The following CEACAM5 variants were observed in gnomAD, a reference collection of about 807,000 sequenced individuals.
CEACAM5 encodes the protein cell adhesion molecule CEACAM5.
A neutral mutation model predicts 63.0 loss-of-function variants in CEACAM5; 52 were observed. That is an observed-to-expected ratio of 0.83 (90% confidence interval 0.66 to 1.04). CEACAM5 has a LOEUF of 1.04. Ranked by LOEUF, CEACAM5 falls within the 50% of genes least tolerant of loss-of-function variation. CEACAM5 has a pLI of 0.00. For missense variants in CEACAM5, 790 were observed against 864.8 expected, an observed-to-expected ratio of 0.91 and a Z score of 1.08; for synonymous variants, 357 against 351.3, an observed-to-expected ratio of 1.02 and a Z score of -0.18.
chr19:41,719,789 G>A, intron 6 of CEACAM5, 141 bp from the exon 7 acceptor site: 1 of 1,463,492 alleles, frequency 6.8e-7, no homozygotes, highest in Non-Finnish European at 9.2e-7. Context: ...TCGTACATCT[G>A]TCTTGTGATA....
In CEACAM5 at chr19:41,727,372, C is replaced by T. The variant is rs2072715340; in HGVS notation, c.*36+20C>T. ...AGACTGGTAGGTATAATGGCCTTTC[C>T]TCTTGTTCTGTTTCCTGCAGTGCTG... On this transcript the variant is annotated intron_variant, in intron 9 of 9. Transcript: ENST00000221992. The T allele has an allele frequency of 4.8e-6, 6 of 1,254,162 alleles. No homozygotes were observed. Among genetic ancestry groups the T allele is most frequent in the Middle Eastern group, 3.8e-4 (2 of 5,294 alleles). 77.7% of individuals were successfully genotyped at this position (1,254,162 alleles called of 1,614,324 possible).
chr19:41,715,105 G>A lies in CEACAM5; in HGVS notation c.559G>A (p.Val187Ile). Residue 187 changes from valine to isoleucine, a missense_variant, in exon 3 of 10, where the codon GTC becomes ATC. Val to Ile is a conservative substitution (Grantham distance 29). Transcript: ENST00000221992. ...GTGGGTAAACAATCAGAGCCTCCCG[G>A]TCAGTCCCAGGCTGCAGCTGTCCAA... ...LWWVNNQSLP[V>I]SPRLQLSNGN... 1 of 1,614,136 alleles carries A rather than the reference G, an allele frequency of 6.2e-7. No homozygotes were observed.
chr19:41,718,131 G>A lies in CEACAM5; in HGVS notation c.1241G>A (p.Gly414Asp). The A allele has an allele frequency of 6.2e-7, 1 of 1,614,082 alleles. No homozygotes were observed. Among genetic ancestry groups the A allele is most frequent in the Non-Finnish European group, 8.5e-7 (1 of 1,180,002 alleles). ...SDPVILNVLY[G>D]PDDPTISPSY... ...GGCCCTATTCTCTTTGCTCCAGATG[G>A]CCCAGACGACCCCACCATTTCCCCC... is the stretch of plus-strand genomic sequence containing the variant. Residue 414 changes from glycine (G) to aspartate (D), a missense_variant, in exon 6 of 10, where the codon GGC becomes GAC. Gly to Asp is a moderately conservative substitution (Grantham distance 94). Coordinates refer to ENST00000221992, the MANE Select transcript of CEACAM5 (RefSeq NM_004363.6).
At chr19:41,712,608 C>T (rs891181915) in intron 2 of CEACAM5, among the ~76,000 whole-genome samples, 7 of 152,186 alleles carry the variant, frequency 4.6e-5, no homozygotes, top group Non-Finnish European at 1.0e-4. Flanking sequence ...CCTCTCTGAC[C>T]GGTTCTGTCC....
chr19:41,709,587 G>A (rs2072399701), intron 1 of CEACAM5, 93 bp from the exon 2 acceptor site: 1 of 1,523,288 alleles, frequency 6.6e-7, no homozygotes, highest in Non-Finnish European at 8.8e-7. Flanking sequence ...CCAGGGCTGG[G>A]GGATGAAGAG....
intron 5 of CEACAM5, 131 bp from the exon 6 acceptor site, chr19:41,717,997 T>C: frequency 8.9e-7 from 1 of 1,124,156 alleles, no homozygotes; most frequent in African/African-American, 1.6e-5. Context: ...GCTAATTGGA[T>C]ACAGTAGGGG....
In CEACAM5 at chr19:41,720,161, A is replaced by C. The variant is rs1336148911; in HGVS notation, c.1724A>C (p.Asn575Thr). ...AGAGCCTATGTATGTGGAATCCAGAACTCAGTGAGTGCAAACCGCAGTGAC... is the reference window on the plus strand; with the variant it reads ...AGAGCCTATGTATGTGGAATCCAGACCTCAGTGAGTGCAAACCGCAGTGAC... The part of the protein sequence containing the change: ...DARAYVCGIQ[N>T]SVSANRSDPV... The change falls in exon 7 of 10, where the codon AAC becomes ACC. Residue 575 changes from asparagine to threonine, a missense_variant. By Grantham distance (65) the Asn-to-Thr change is moderately conservative (BLOSUM62 0). Transcript: ENST00000221992. The C allele has an allele frequency of 9.3e-6, 15 of 1,614,082 alleles. No individual in the cohort carries two copies. The highest frequency in any genetic ancestry group is 1.1e-5 in the Non-Finnish European group (13 of 1,180,036).
intron 8 of CEACAM5, among the ~76,000 whole-genome samples, chr19:41,721,440 G>T (rs2072620476): frequency 6.6e-6 from 1 of 152,204 alleles, no homozygotes; most frequent in Admixed American, 6.5e-5. Context: ...ATAGTGAAAG[G>T]GACTTCATAG....
chr19:41,724,783 G>A (rs2072674471), intron 8 of CEACAM5, among the ~76,000 whole-genome samples: 1 of 152,148 alleles, frequency 6.6e-6, no homozygotes, highest in Non-Finnish European at 1.5e-5. Flanking sequence ...TTGTTAGTGT[G>A]TAGAAGTACA....
At position 41,730,292 on chromosome 19, in the gene CEACAM5, G is replaced by A. The variant is rs1555818046; in HGVS notation, c.*1145G>A. The stretch of plus-strand genomic sequence containing the variant: ...AAAAAGTTAGCCGGGCGTGGTGGTG[G>A]GGGCCTGTAGTCCCAGCTACTCAGG... On this transcript the variant is annotated 3_prime_UTR_variant, in exon 10 of 10. Transcript: ENST00000221992. 6.6e-6 allele frequency among the ~76,000 whole-genome samples: 1 copy of A among 151,916 alleles called. No homozygotes were observed. The highest frequency in any genetic ancestry group is 2.4e-5 in the African/African-American group (1 of 41,342).
At chr19:41,723,196 G>A (rs1281709248) in intron 8 of CEACAM5, among the ~76,000 whole-genome samples, 1 of 152,164 alleles carries the variant, frequency 6.6e-6, no homozygotes, top group Admixed American at 6.5e-5. Flanking sequence ...ACAGGCATGA[G>A]CCACCGTGTC....
intron 2 of CEACAM5, 48 bp downstream of exon 2, chr19:41,710,087 T>G (rs1314938609): frequency 1.3e-6 from 2 of 1,574,460 alleles, no homozygotes; most frequent in African/African-American, 2.7e-5. Context: ...CAGTTCTACT[T>G]CCCACACACA....
Position 41,719,018 on chromosome 19 carries a change from G to T in CEACAM5, c.1492+636G>T, listed in dbSNP as rs143736796. Among the ~76,000 whole-genome samples, 335 of 152,344 alleles carry T rather than the reference G, an allele frequency of 2.2e-3. 6 individuals carry two copies. The highest frequency in any genetic ancestry group is 6.8e-3 in the Middle Eastern group (2 of 294). ...CCAGGGTCAGGCTACAGGGAAATAA[G>T]AAGAGAGGGAGCCTCGGGGCAGACT... On this transcript the variant is annotated intron_variant, in intron 6 of 9. Coordinates refer to ENST00000221992, the MANE Select transcript of CEACAM5 (RefSeq NM_004363.6).
In CEACAM5 at chr19:41,715,233, C is replaced by T; in HGVS notation, c.687C>T (p.Val229=). 1 of 1,614,232 alleles carries T rather than the reference C, an allele frequency of 6.2e-7. No individual in the cohort carries two copies. The highest frequency in any genetic ancestry group is 8.5e-7 in the Non-Finnish European group (1 of 1,180,038). ...NPVSARRSDS[V]ILNVLYGPDA... ...TGAGTGCCAGGCGCAGTGATTCAGT[C>T]ATCCTGAATGTCCTCTGTGAGTATA... Residue 229 remains valine, a synonymous_variant, in exon 3 of 10, where the codon GTC becomes GTT. Coordinates refer to ENST00000221992, the MANE Select transcript of CEACAM5 (RefSeq NM_004363.6).
chr19:41,712,934 A>T (rs1459146140), intron 2 of CEACAM5, among the ~76,000 whole-genome samples: 1 of 152,244 alleles, frequency 6.6e-6, no homozygotes, highest in African/African-American at 2.4e-5. Context: ...CAGATTGAGT[A>T]TCCCAAATCC....
In CEACAM5 at chr19:41,730,212, A is replaced by G. The variant is rs1600484103; in HGVS notation, c.*1065A>G. ...GAGGCGGGCGGATCACGAGGTCAGG[A>G]GATCCAGACCATCCTGGCTAACACA... On this transcript the variant is annotated 3_prime_UTR_variant, in exon 10 of 10. Coordinates refer to ENST00000221992, the MANE Select transcript of CEACAM5 (RefSeq NM_004363.6). Among the ~76,000 whole-genome samples the G allele has an allele frequency of 6.6e-6, 1 of 152,170 alleles. No homozygotes were observed. The highest frequency in any genetic ancestry group is 2.4e-5 in the African/African-American group (1 of 41,430).
chr19:41,720,074 G>T lies in CEACAM5; in HGVS notation c.1637G>T (p.Arg546Met). ...GGTCAGAGCCTCCCAGTCAGTCCCAGGCTGCAGCTGTCCAATGGCAACAGG... is the reference window on the plus strand; with the variant it reads ...GGTCAGAGCCTCCCAGTCAGTCCCATGCTGCAGCTGTCCAATGGCAACAGG... ...VNGQSLPVSP[R>M]LQLSNGNRTL... is the part of the protein sequence containing the mutation. Residue 546 changes from arginine (R) to methionine (M), a missense_variant, in exon 7 of 10, where the codon AGG becomes ATG. By Grantham distance (91) the Arg-to-Met change is moderately conservative. Coordinates refer to ENST00000221992, the MANE Select transcript of CEACAM5 (RefSeq NM_004363.6). The T allele has an allele frequency of 9.3e-6, 15 of 1,614,192 alleles. No individual in the cohort carries two copies. Among genetic ancestry groups the T allele is most frequent in the Non-Finnish European group, 1.2e-5 (14 of 1,180,038 alleles).
In CEACAM5 at chr19:41,715,901, T is replaced by C. The variant is rs1555814987; in HGVS notation, c.955T>C (p.Tyr319His). 4 of 1,613,292 alleles carry C rather than the reference T, an allele frequency of 2.5e-6. No homozygotes were observed. The highest frequency in any genetic ancestry group is 1.7e-5 in the Admixed American group (1 of 60,016). ...GACCACAGTCACGACGATCACAGTC[T>C]ATGGTAAGTGGATCCACGAAGCACT... Reference protein sequence around the residue: ...NRTTVTTITVYAEPPKPFITS... With the variant: ...NRTTVTTITVHAEPPKPFITS... The change falls in exon 4 of 10, where the codon TAT becomes CAT. Residue 319 changes from tyrosine to histidine, a missense_variant. Transcript: ENST00000221992.
At chr19:41,718,075 C>G (rs781860956) in intron 5 of CEACAM5, 53 bp from the exon 6 acceptor site, 117 of 1,597,822 alleles carry the variant, frequency 7.3e-5, no homozygotes, top group Non-Finnish European at 9.5e-5. Flanking sequence ...AGACCAGGAG[C>G]TTCCCCTTTG....
Sources: allele counts gnomAD v4.1 joint callset (sites outside exome capture counted in the v4.1 genomes callset), GRCh38; gene constraint gnomAD v4.1.1; transcripts MANE v1.5; gene names NCBI Gene and HGNC (gene_info 2026-07-23, HGNC 2026-07-21).